HDAC9: variants seen among roughly 807,000 people sequenced by gnomAD.
The protein encoded by HDAC9 is MEF-2 interacting transcription repressor (MITR) protein.
Under a neutral mutation model 139.4 loss-of-function variants are expected in HDAC9, and 41 were observed. That is an observed-to-expected ratio of 0.29 (90% CI 0.23 to 0.38). The LOEUF (loss-of-function observed/expected upper bound fraction) is 0.38. HDAC9 is among the 10% of genes least tolerant of loss of function. HDAC9 has a pLI of 1.00. For missense variants in HDAC9, 1,147 were observed against 1,297.0 expected, an observed-to-expected ratio of 0.88 and a Z score of 1.78; for synonymous variants, 517 against 476.2, an observed-to-expected ratio of 1.09 and a Z score of -1.12.
At chr7:18,623,650 G>A (rs557420187) in intron 6 of HDAC9, among the ~76,000 whole-genome samples, 2 of 152,206 alleles carry the variant, frequency 1.3e-5, no homozygotes, top group African/African-American at 4.8e-5. Flanking sequence ...ACATCAAAGA[G>A]TTAGCATTGG....
intron 2 of HDAC9, among the ~76,000 whole-genome samples, chr7:18,257,679 T>C (rs1795369437): frequency 6.6e-6 from 1 of 152,154 alleles, no homozygotes; most frequent in Admixed American, 6.5e-5. Context: ...TAGGCAGAAA[T>C]AAATCTTTTC....
At chr7:18,301,635 T>G (rs1299568670) in intron 1 of HDAC9, among the ~76,000 whole-genome samples, 1 of 152,200 alleles carries the variant, frequency 6.6e-6, no homozygotes, top group Non-Finnish European at 1.5e-5. Flanking sequence ...TATATAAAAA[T>G]GTACAATAAG....
chr7:18,216,282 T>C (rs1562758169), intron 2 of HDAC9, among the ~76,000 whole-genome samples: 1 of 152,188 alleles, frequency 6.6e-6, no homozygotes, highest in Non-Finnish European at 1.5e-5. Flanking sequence ...AAAATCTCAT[T>C]AAAGTTCATG....
At chr7:18,223,984 A>G (rs989368175) in intron 2 of HDAC9, among the ~76,000 whole-genome samples, 4 of 152,188 alleles carry the variant, frequency 2.6e-5, no homozygotes, top group Non-Finnish European at 5.9e-5. Context: ...CGTCATTACA[A>G]TATTTATCTT....
chr7:18,633,602 T>A (rs1782970513), intron 7 of HDAC9, among the ~76,000 whole-genome samples: 1 of 152,006 alleles, frequency 6.6e-6, no homozygotes, highest in African/African-American at 2.4e-5. Flanking sequence ...GAAAAGATGC[T>A]GGTGGAAATC....
rs1786357858 is a variant in HDAC9 at position 18,732,868 on chromosome 7, TACACACACAC to T, written c.1909+5112_1909+5121del. On this transcript the variant is annotated intron_variant, in intron 13 of 25. Transcript: ENST00000686413. ...ACACGTGTGTATGTGTGCGTATGTG[TACACACACAC>T]GTGTGCGTATGTGTACACACACACG... Among the ~76,000 whole-genome samples the T allele has an allele frequency of 2.1e-5, 2 of 97,078 alleles. 1 individual carries two copies. The highest frequency in any genetic ancestry group is 4.2e-5 in the Non-Finnish European group (2 of 48,014). The allele number at this position is 97,078 out of a possible 152,430, so 63.7% of individuals were successfully genotyped here. A position where few individuals can be genotyped will look rare whatever the true frequency, so the allele number is the denominator to read the frequency against.
Position 18,963,297 on chromosome 7 carries a change from T to C in HDAC9, c.3022+9067T>C, listed in dbSNP as rs141473858. 1.2e-3 allele frequency among the ~76,000 whole-genome samples: 181 copies of C among 152,298 alleles called. 4 individuals carry two copies. The highest frequency in any genetic ancestry group is 4.2e-3 in the African/African-American group (173 of 41,574). On this transcript the variant is annotated intron_variant, in intron 24 of 25. Coordinates refer to ENST00000686413, the MANE Select transcript of HDAC9 (RefSeq NM_178425.4). ...CCGCATCAAAGGGATATGAATTTGA[T>C]AGATACTAAAGAGTTTTGATCTTTG...
intron 23 of HDAC9, among the ~76,000 whole-genome samples, chr7:18,948,441 A>G (rs1303901228): frequency 6.6e-6 from 1 of 152,102 alleles, no homozygotes; most frequent in Non-Finnish European, 1.5e-5. Flanking sequence ...TTATATATCT[A>G]TATAACTGTC....
chr7:18,308,333 A>G (rs1799068437), intron 1 of HDAC9, among the ~76,000 whole-genome samples: 1 of 152,226 alleles, frequency 6.6e-6, no homozygotes, highest in Non-Finnish European at 1.5e-5. Context: ...TTTCATAGTT[A>G]TATAAATTTG....
chr7:18,395,579 A>G (rs1374795228), intron 1 of HDAC9, among the ~76,000 whole-genome samples: 3 of 151,134 alleles, frequency 2.0e-5, no homozygotes, highest in African/African-American at 7.3e-5. Flanking sequence ...TCTTATGGGA[A>G]GGAGAGAATT....
intron 13 of HDAC9, among the ~76,000 whole-genome samples, chr7:18,743,593 T>A (rs1401731974): frequency 2.8e-5 from 4 of 145,066 alleles, no homozygotes; most frequent in Non-Finnish European, 4.5e-5. Flanking sequence ...GGCAACAGAG[T>A]GAGACTGCGT....
chr7:18,443,208 C>A (rs1791953860), intron 1 of HDAC9, among the ~76,000 whole-genome samples: 1 of 152,042 alleles, frequency 6.6e-6, no homozygotes, highest in African/African-American at 2.4e-5. Context: ...AAGAAAATAC[C>A]TCTTATTGCT....
intron 1 of HDAC9, among the ~76,000 whole-genome samples, chr7:18,142,745 C>A (rs1489564070): frequency 6.6e-6 from 1 of 152,224 alleles, no homozygotes; most frequent in Non-Finnish European, 1.5e-5. Flanking sequence ...CAGACTTTTA[C>A]TTCCCTTGAA....
At chr7:18,155,414 G>A (rs1787117073) in intron 1 of HDAC9, among the ~76,000 whole-genome samples, 1 of 152,214 alleles carries the variant, frequency 6.6e-6, no homozygotes, top group Non-Finnish European at 1.5e-5. Context: ...ATTAGTGCAG[G>A]TACTGTAGTT....
At chr7:18,131,598 C>A (rs1584231759) in intron 1 of HDAC9, among the ~76,000 whole-genome samples, 1 of 152,054 alleles carries the variant, frequency 6.6e-6, no homozygotes, top group Admixed American at 6.6e-5. Flanking sequence ...TTGTAGAGGG[C>A]ATTTTTTGAA....
At chr7:18,783,610 A>G (rs1437407116) in intron 16 of HDAC9, among the ~76,000 whole-genome samples, 1 of 151,412 alleles carries the variant, frequency 6.6e-6, no homozygotes, top group Non-Finnish European at 1.5e-5. Flanking sequence ...TCCTTGAATT[A>G]AGCTTTGATG....
intron 6 of HDAC9, among the ~76,000 whole-genome samples, chr7:18,620,153 A>AGTT (rs1230097423): frequency 1.3e-5 from 2 of 152,198 alleles, no homozygotes; most frequent in Non-Finnish European, 2.9e-5. Flanking sequence ...GGCACTGTAT[A>AGTT]GGTACCTGAA....
chr7:18,643,558 T>C (rs1395105607), intron 8 of HDAC9, among the ~76,000 whole-genome samples: 2 of 152,076 alleles, frequency 1.3e-5, no homozygotes, highest in African/African-American at 2.4e-5. Context: ...TGTGTTTTGG[T>C]GGTGCATCAC....
At chr7:18,992,911 C>T (rs2390042) in intron 25 of HDAC9, among the ~76,000 whole-genome samples, 85,357 of 152,006 alleles carry the variant, frequency 0.56, 24,246 homozygotes, top group Non-Finnish European at 0.59. Context: ...TAGTTATCTC[C>T]GAACTTACTG....
Sources: gnomAD v4.1 joint callset for allele counts (sites outside exome capture counted in the v4.1 genomes callset) on GRCh38, gnomAD v4.1.1 for gene constraint, MANE v1.5 for transcripts, NCBI Gene and HGNC (gene_info 2026-07-23, HGNC 2026-07-21) for gene names.